ZNF841: variants seen among roughly 807,000 people sequenced by gnomAD.
ZNF841 encodes the protein zinc finger protein 841.
In ZNF841, 11 loss-of-function variants were observed where a neutral mutation model predicts 13.0. That is an observed-to-expected ratio of 0.85 (90% CI 0.53 to 1.40). The LOEUF (loss-of-function observed/expected upper bound fraction) is 1.40. ZNF841 is among the 40% of genes most tolerant of loss of function. The pLI, the probability that ZNF841 is intolerant of heterozygous loss-of-function variation, is 0.00. For synonymous variants in ZNF841, 369 were observed against 381.6 expected (o/e 0.97, Z 0.38); for missense variants, 1,068 against 1,139.5 (o/e 0.94, Z 0.90).
intron 6 of ZNF841, among the ~76,000 whole-genome samples, chr19:52,074,972 T>C (rs2087851213): frequency 1.3e-5 from 2 of 152,208 alleles, no homozygotes. Context: ...TCATGACAAA[T>C]GCTGATCATT....
At chr19:52,090,662 A>G (rs59485878) in intron 2 of ZNF841, among the ~76,000 whole-genome samples, 15,893 of 109,330 alleles carry the variant, frequency 0.15, 1,670 homozygotes, top group East Asian at 0.32. Flanking sequence ...AAGGAAAGAA[A>G]GAAAGAAAGA....
Position 52,066,175 on chromosome 19 carries a change from G to C in ZNF841, c.1707C>G (p.Leu569=). The C allele has an allele frequency of 6.2e-7, 1 of 1,613,870 alleles. No homozygotes were observed. The highest frequency in any genetic ancestry group is 8.5e-7 in the Non-Finnish European group (1 of 1,179,896). Residue 569 remains leucine, a synonymous_variant, in exon 7 of 7, where the codon CTC becomes CTG. Coordinates refer to ENST00000594440, the MANE Select transcript of ZNF841 (RefSeq NM_001136499.2). ...HMRCHTGEKP[L]HCNKCGMVFT... is the part of the protein sequence containing the mutation. The stretch of plus-strand genomic sequence containing the variant: ...AGACCATGCCACATTTATTACAATG[G>C]AGAGGTTTCTCTCCAGTATGACATC...
At position 52,065,999 on chromosome 19, in the gene ZNF841, T is replaced by C; in HGVS notation, c.1883A>G (p.Asn628Ser). The C allele has an allele frequency of 1.9e-6, 3 of 1,614,136 alleles. No homozygotes were observed. The highest frequency in any genetic ancestry group is 2.5e-6 in the Non-Finnish European group (3 of 1,179,972). ...GTAACTGAAGACCTTGCCGCATTCG[T>C]TACACTGGAAAGGTTTCTCTCCGGT... is the stretch of plus-strand genomic sequence containing the variant. ...SHTGEKPFQCNECGKVFSYYS... is the reference protein window; with the variant it reads ...SHTGEKPFQCSECGKVFSYYS... The change falls in exon 7 of 7, where the codon AAC becomes AGC. Residue 628 changes from asparagine (N) to serine (S), a missense_variant. Asn to Ser is a conservative substitution (Grantham distance 46). Transcript: ENST00000594440.
chr19:52,076,908 CA>C, intron 5 of ZNF841, 49 bp downstream of exon 5: 1 of 1,599,640 alleles, frequency 6.3e-7, no homozygotes, highest in Non-Finnish European at 8.5e-7. Flanking sequence ...AAGGAAAGTA[CA>C]AAAATGCACA....
At position 52,065,354 on chromosome 19, in the gene ZNF841, T is replaced by A; in HGVS notation, c.2528A>T (p.His843Leu). The A allele has an allele frequency of 6.2e-7, 1 of 1,608,062 alleles. No individual in the cohort carries two copies. The highest frequency in any genetic ancestry group is 8.5e-7 in the Non-Finnish European group (1 of 1,176,754). The change falls in exon 7 of 7, where the codon CAT becomes CTT. Residue 843 changes from histidine to leucine, a missense_variant. Coordinates refer to ENST00000594440, the MANE Select transcript of ZNF841 (RefSeq NM_001136499.2). Reference protein sequence around the residue: ...RSNLVYHQRNHTGEKPYKCME... With the variant: ...RSNLVYHQRNLTGEKPYKCME... ...ACATTTGTATGGCTTCTCTCCAGTATGGTTTCTCTGATGGTAAACCAAGTT... is the reference window on the plus strand; with the variant it reads ...ACATTTGTATGGCTTCTCTCCAGTAAGGTTTCTCTGATGGTAAACCAAGTT...
downstream of ZNF841, among the ~76,000 whole-genome samples, chr19:52,060,534 T>C (rs1045105893): frequency 1.3e-5 from 2 of 152,156 alleles, no homozygotes; most frequent in African/African-American, 2.4e-5. Flanking sequence ...TTTTTTTTTT[T>C]TTCTGAGTTA....
downstream of ZNF841, among the ~76,000 whole-genome samples, chr19:52,061,716 T>C (rs1205152877): frequency 2.0e-5 from 3 of 151,988 alleles, no homozygotes; most frequent in African/African-American, 7.3e-5. Context: ...CCATCTAATT[T>C]TGTATTTTTA....
rs2088216617 is a variant in ZNF841 at position 52,084,802 on chromosome 19, C to T, written c.-1G>A. ...ATCACTTTACCTGAGGAAGAGCCAT[C>T]CCTGGCTCCTTTTCTTTCTTCTTTC... On this transcript the variant is annotated 5_prime_UTR_variant, in exon 4 of 7. Transcript: ENST00000594440. 1 of 1,613,436 alleles carries T rather than the reference C, an allele frequency of 6.2e-7. No individual in the cohort carries two copies.
At chr19:52,064,381 A>AC (rs57962037), downstream of ZNF841, 159 of 136,034 alleles carry the variant, frequency 1.2e-3, 11 homozygotes, top group African/African-American at 5.2e-3. Context: ...AAAAAAAAAA[A>AC]AAAAAAAACT....
In ZNF841 at chr19:52,076,184, AAAAG is replaced by A. The variant is rs764100349; in HGVS notation, c.143-16_143-13del. 26 of 1,549,972 alleles carry A rather than the reference AAAAG, an allele frequency of 1.7e-5. No individual in the cohort carries two copies. In the Admixed American group the frequency reaches 4.7e-4, roughly 28 times the overall value. ...AGGAAGACAGAGTCCTGCTTATAAAAAAAGAAAGAAGATGTCCCACGGTTTTTCC... is the reference window on the plus strand; with the variant it reads ...AGGAAGACAGAGTCCTGCTTATAAAAAAAGAAGATGTCCCACGGTTTTTCC... On this transcript the variant is annotated splice_polypyrimidine_tract_variant and intron_variant, in intron 5 of 6. Transcript: ENST00000594440.
chr19:52,081,406 A>C (rs545567237), intron 4 of ZNF841, among the ~76,000 whole-genome samples: 2 of 152,354 alleles, frequency 1.3e-5, no homozygotes, highest in African/African-American at 4.8e-5. Flanking sequence ...ACTATATGTG[A>C]ATTACCAAAG....
intron 4 of ZNF841, among the ~76,000 whole-genome samples, chr19:52,083,583 AT>A (rs1412541218): frequency 6.6e-6 from 1 of 151,886 alleles, no homozygotes; most frequent in Non-Finnish European, 1.5e-5. Context: ...TTTATGCTCA[AT>A]TTTCTTTTAC....
Position 52,066,224 on chromosome 19 carries a change from C to T in ZNF841, c.1658G>A (p.Gly553Asp). Residue 553 changes from glycine (G) to aspartate (D), a missense_variant, in exon 7 of 7, where the codon GGT (glycine) becomes GAT (aspartate). Coordinates refer to ENST00000594440, the MANE Select transcript of ZNF841 (RefSeq NM_001136499.2). Reference protein sequence around the residue: ...CNVCGKVFNYGGYLSVHMRCH... With the variant: ...CNVCGKVFNYDGYLSVHMRCH... ...TCTCATATGAACCGAAAGGTATCCA[C>T]CGTAATTAAAGACCTTGCCACACAC... The T allele has an allele frequency of 6.2e-7, 1 of 1,613,904 alleles. No homozygotes were observed. The highest frequency in any genetic ancestry group is 8.5e-7 in the Non-Finnish European group (1 of 1,179,942).
At chr19:52,070,436 G>A (rs998545840) in intron 6 of ZNF841, among the ~76,000 whole-genome samples, 1 of 152,200 alleles carries the variant, frequency 6.6e-6, no homozygotes, top group Non-Finnish European at 1.5e-5. Flanking sequence ...ATAGTGAGAA[G>A]GATGGTGGAA....
At chr19:52,069,240 T>C (rs1156913928) in intron 6 of ZNF841, among the ~76,000 whole-genome samples, 2 of 152,074 alleles carry the variant, frequency 1.3e-5, no homozygotes, top group African/African-American at 2.4e-5. Context: ...GCCCGGTTAA[T>C]TTTTTTGTAG....
At chr19:52,091,282 T>A (rs2088489045) in intron 2 of ZNF841, among the ~76,000 whole-genome samples, 1 of 152,180 alleles carries the variant, frequency 6.6e-6, no homozygotes, top group Non-Finnish European at 1.5e-5. Context: ...AAAAGTGATC[T>A]GCAAATTCAG....
intron 6 of ZNF841, among the ~76,000 whole-genome samples, chr19:52,072,012 T>A (rs2087751630): frequency 6.6e-6 from 1 of 152,212 alleles, no homozygotes. Context: ...AAAAAAGATA[T>A]GCCCTCAAAA....
At chr19:52,088,658 C>G (rs765626293) in intron 3 of ZNF841, among the ~76,000 whole-genome samples, 8 of 152,192 alleles carry the variant, frequency 5.3e-5, no homozygotes, top group African/African-American at 9.7e-5. Flanking sequence ...TCATAGCCAC[C>G]TCCCATTGCT....
chr19:52,066,471 G>A lies in ZNF841; in HGVS notation c.1411C>T (p.Arg471Cys), dbSNP rs769096343. 3.1e-6 allele frequency: 5 copies of A among 1,613,058 alleles called. No homozygotes were observed. The highest frequency in any genetic ancestry group is 2.2e-5 in the South Asian group (2 of 91,008). ...ECGKVFFQRS[R>C]LAGHRRIHTG... ...TGAATTCTCCGGTGCCCTGCAAGAC[G>A]TGAACGTTGAAAGAAGACCTTGCCA... is the stretch of plus-strand genomic sequence containing the variant. The change falls in exon 7 of 7, where the codon CGT (arginine) becomes TGT (cysteine). Residue 471 changes from arginine to cysteine, a missense_variant. By Grantham distance (180) the Arg-to-Cys change is radical. Transcript: ENST00000594440.
Sources: gnomAD v4.1 joint callset for allele counts (sites outside exome capture counted in the v4.1 genomes callset) on GRCh38, gnomAD v4.1.1 for gene constraint, MANE v1.5 for transcripts, NCBI Gene and HGNC (gene_info 2026-07-23, HGNC 2026-07-21) for gene names.